Variants in NRXN3 observed in about 807,000 individuals in gnomAD.
The protein encoded by NRXN3 is neurexin 3, also known as neurexin III.
Under a neutral mutation model 137.6 loss-of-function variants are expected in NRXN3, and 32 were observed. The ratio of observed to expected loss-of-function variants is 0.23; its 90% CI spans 0.18 to 0.31. NRXN3 has a LOEUF of 0.31. Among genes scored for constraint, NRXN3 ranks in the 10% least tolerant of loss-of-function variants. NRXN3 has a pLI of 1.00. For missense variants in NRXN3, 1,574 were observed against 2,062.5 expected, an observed-to-expected ratio of 0.76 and a Z score of 4.59; for synonymous variants, 798 against 784.5, an observed-to-expected ratio of 1.02 and a Z score of -0.29.
At chr14:78,819,395 C>T (rs926861873) in intron 10 of NRXN3, among the ~76,000 whole-genome samples, 4 of 151,974 alleles carry the variant, frequency 2.6e-5, no homozygotes, top group Admixed American at 2.0e-4. Flanking sequence ...AATAAAAATA[C>T]ATATAACAGC....
rs570286408 is a variant in NRXN3 at position 79,112,366 on chromosome 14, G to A, written c.3262+124225G>A. Among the ~76,000 whole-genome samples, 84 of 152,312 alleles carry A rather than the reference G, an allele frequency of 5.5e-4. 1 individual carries two copies. The highest frequency in any genetic ancestry group is 3.4e-3 in the Middle Eastern group (1 of 294). On this transcript the variant is annotated intron_variant, in intron 15 of 20. Coordinates refer to ENST00000335750, the MANE Select transcript of NRXN3 (RefSeq NM_001330195.2). The stretch of plus-strand genomic sequence containing the variant: ...AGAGAAGGGAAGAAGGATGCATTTT[G>A]CATTCACTTGTACATCAGCCTTGAA...
chr14:79,003,036 A>G (rs541423085), intron 15 of NRXN3, among the ~76,000 whole-genome samples: 1 of 152,240 alleles, frequency 6.6e-6, no homozygotes, highest in South Asian at 2.1e-4. Flanking sequence ...GGCTATTCAC[A>G]GCTGTAATCA....
At chr14:78,755,810 A>G (rs1438338814) in intron 8 of NRXN3, among the ~76,000 whole-genome samples, 1 of 152,218 alleles carries the variant, frequency 6.6e-6, no homozygotes, top group Non-Finnish European at 1.5e-5. Flanking sequence ...GCATTACCAA[A>G]ATGAATACTA....
At chr14:79,573,991 T>C (rs182881299) in intron 16 of NRXN3, among the ~76,000 whole-genome samples, 27 of 152,240 alleles carry the variant, frequency 1.8e-4, no homozygotes, top group Admixed American at 9.2e-4. Context: ...CAAAAAGATA[T>C]TCAGCCATCA....
In NRXN3 at chr14:78,857,272, A is replaced by G. The variant is rs556241145; in HGVS notation, c.2275+46928A>G. Among the ~76,000 whole-genome samples, 74 of 151,696 alleles carry G rather than the reference A, an allele frequency of 4.9e-4. 1 individual carries two copies. Among genetic ancestry groups the G allele is most frequent in the Middle Eastern group, 3.4e-3 (1 of 290 alleles). On this transcript the variant is annotated intron_variant, in intron 10 of 20. Coordinates refer to ENST00000335750, the MANE Select transcript of NRXN3 (RefSeq NM_001330195.2). ...GAATGTGTAGATTTCCTTCCTTTTC[A>G]ACATTTACATTGGAAGATGAACATA...
intron 8 of NRXN3, among the ~76,000 whole-genome samples, chr14:78,771,718 A>G (rs936559000): frequency 3.3e-5 from 5 of 152,330 alleles, no homozygotes; most frequent in African/African-American, 1.2e-4. Flanking sequence ...TATAACAAGG[A>G]AGAAGTCAAG....
chr14:78,397,598 CT>C (rs894048079), intron 4 of NRXN3, among the ~76,000 whole-genome samples: 1 of 151,512 alleles, frequency 6.6e-6, no homozygotes, highest in African/African-American at 2.4e-5. Flanking sequence ...CCTTGAAGCA[CT>C]TTTTTTGTTT....
chr14:79,648,075 A>AT (rs1331981945), intron 16 of NRXN3, among the ~76,000 whole-genome samples: 4 of 134,452 alleles, frequency 3.0e-5, no homozygotes, highest in Admixed American at 8.0e-5. Context: ...GCTTTCCTTA[A>AT]TTTTTCTTGA....
intron 4 of NRXN3, among the ~76,000 whole-genome samples, chr14:78,599,471 C>T (rs1044302137): frequency 3.3e-5 from 5 of 152,186 alleles, no homozygotes; most frequent in Non-Finnish European, 5.9e-5. Context: ...CTGGTGCCTT[C>T]GAGTGACAAT....
chr14:78,935,248 T>A (rs1425981100), intron 10 of NRXN3, among the ~76,000 whole-genome samples: 2 of 152,140 alleles, frequency 1.3e-5, no homozygotes, highest in Admixed American at 6.5e-5. Context: ...AAAACCCAAT[T>A]TATTTGACTC....
At chr14:79,759,738 T>C (rs1457145562) in intron 19 of NRXN3, among the ~76,000 whole-genome samples, 1 of 151,706 alleles carries the variant, frequency 6.6e-6, no homozygotes, top group Admixed American at 6.5e-5. Flanking sequence ...AAGAATAATA[T>C]GGATTATTCT....
At chr14:79,337,045 C>T (rs773022284) in intron 15 of NRXN3, among the ~76,000 whole-genome samples, 19 of 152,072 alleles carry the variant, frequency 1.2e-4, no homozygotes, top group Admixed American at 3.9e-4. Flanking sequence ...GAAAAATGAC[C>T]GACAAGATGT....
At chr14:78,466,004 A>G (rs1185452936) in intron 4 of NRXN3, among the ~76,000 whole-genome samples, 1 of 151,086 alleles carries the variant, frequency 6.6e-6, no homozygotes, top group African/African-American at 2.4e-5. Context: ...GATGTCCACC[A>G]CCACGCCCGG....
chr14:79,563,780 C>T (rs1020753840), intron 16 of NRXN3, among the ~76,000 whole-genome samples: 7 of 151,900 alleles, frequency 4.6e-5, no homozygotes, highest in African/African-American at 1.7e-4. Flanking sequence ...GTTCTGCAAC[C>T]TGAATACATT....
chr14:78,867,089 A>C (rs1362901766), intron 10 of NRXN3, among the ~76,000 whole-genome samples: 1 of 151,978 alleles, frequency 6.6e-6, no homozygotes, highest in East Asian at 1.9e-4. Flanking sequence ...GGGCCACCGC[A>C]CCTGGCAGTA....
At chr14:78,796,964 T>C (rs1365664734) in intron 8 of NRXN3, among the ~76,000 whole-genome samples, 1 of 152,148 alleles carries the variant, frequency 6.6e-6, no homozygotes, top group East Asian at 1.9e-4. Context: ...AACAGTCCTT[T>C]GCTGAACATG....
intron 6 of NRXN3, among the ~76,000 whole-genome samples, chr14:78,657,229 C>T (rs369672857): frequency 2.0e-4 from 30 of 152,198 alleles, no homozygotes; most frequent in African/African-American, 7.0e-4. Flanking sequence ...CTGTCCTTGG[C>T]ATTACTGAGC....
At chr14:79,713,038 C>G (rs945977282) in intron 19 of NRXN3, among the ~76,000 whole-genome samples, 5 of 152,020 alleles carry the variant, frequency 3.3e-5, no homozygotes, top group African/African-American at 1.2e-4. Flanking sequence ...CTGGGAAGGA[C>G]TTGTATCTTG....
At chr14:79,083,569 G>T (rs1374260869) in intron 15 of NRXN3, among the ~76,000 whole-genome samples, 1 of 152,178 alleles carries the variant, frequency 6.6e-6, no homozygotes, top group Non-Finnish European at 1.5e-5. Flanking sequence ...TGTGCAAGTG[G>T]GGGACCCAGG....
Sources: allele counts gnomAD v4.1 joint callset (sites outside exome capture counted in the v4.1 genomes callset), GRCh38; gene constraint gnomAD v4.1.1; transcripts MANE v1.5; gene names NCBI Gene and HGNC (gene_info 2026-07-23, HGNC 2026-07-21).